The following RARB variants were observed in gnomAD, a reference collection of about 807,000 sequenced individuals.
RARB encodes HBV-activated protein.
RARB carries 17 observed loss-of-function variants against 51.9 expected under a neutral mutation model. The observed-to-expected ratio is 0.33, with a 90% CI of 0.22 to 0.49. The LOEUF is 0.49. RARB is among the 20% of genes least tolerant of loss of function. The pLI is 0.99. For synonymous variants in RARB, 215 were observed against 195.4 expected (o/e 1.10, Z -0.84); for missense variants, 369 against 550.8 (o/e 0.67, Z 3.30).
intron 5 of RARB, among the ~76,000 whole-genome samples, chr3:25,273,958 C>T (rs1490967447): frequency 2.0e-5 from 3 of 152,188 alleles, no homozygotes; most frequent in African/African-American, 7.2e-5. Flanking sequence ...CACCCCTGCA[C>T]TGTGCACCCT....
intron 2 of RARB, among the ~76,000 whole-genome samples, chr3:24,909,680 A>G (rs964054671): frequency 6.9e-6 from 1 of 144,624 alleles, no homozygotes; most frequent in Admixed American, 7.0e-5. Flanking sequence ...TGTCAGTTTT[A>G]TTTACTAGGG....
At chr3:25,252,878 G>T (rs2125402765) in intron 5 of RARB, among the ~76,000 whole-genome samples, 1 of 152,200 alleles carries the variant, frequency 6.6e-6, no homozygotes, top group East Asian at 1.9e-4. Flanking sequence ...TCTTTTATCT[G>T]GCACCGTGGC....
intron 5 of RARB, among the ~76,000 whole-genome samples, chr3:25,233,071 G>C (rs972543506): frequency 2.0e-5 from 3 of 149,348 alleles, no homozygotes; most frequent in African/African-American, 7.4e-5. Flanking sequence ...TGTCTTCTGG[G>C]TTCCAGAGAT....
chr3:25,501,111 A>G (rs1382543324), intron 2 of RARB, 71 bp from the exon 3 acceptor site: 70 of 1,499,364 alleles, frequency 4.7e-5, no homozygotes, highest in Middle Eastern at 1.8e-4. Context: ...ATGCATTGAT[A>G]AGGTTGGCTT....
chr3:25,259,019 C>T, intron 5 of RARB: 5 of 985,176 alleles, frequency 5.1e-6, no homozygotes, highest in Non-Finnish European at 6.0e-6. Flanking sequence ...GTGTCTGAGA[C>T]TGCTTCTGAT....
At chr3:25,492,222 G>A (rs757641539) in intron 2 of RARB, among the ~76,000 whole-genome samples, 5 of 152,186 alleles carry the variant, frequency 3.3e-5, no homozygotes, top group Non-Finnish European at 5.9e-5. Flanking sequence ...AGACCTATAT[G>A]ATACCTGGTC....
chr3:25,005,740 C>T lies in RARB; in HGVS notation c.-379-54385C>T, dbSNP rs184893460. 1.6e-4 allele frequency among the ~76,000 whole-genome samples: 25 copies of T among 152,194 alleles called. No homozygotes were observed. In the East Asian group the frequency reaches 3.7e-3, roughly 22 times the overall value. On this transcript the variant is annotated intron_variant, in intron 2 of 11. Coordinates refer to the RARB transcript ENST00000383772. ...AGCGGAAATCAATGAAAGCTATCTT[C>T]GAGGCTGGCTACTACGCTCCTCCTG... is the stretch of plus-strand genomic sequence containing the variant.
chr3:25,453,605 T>C (rs541522462), intron 1 of RARB, among the ~76,000 whole-genome samples: 1 of 152,282 alleles, frequency 6.6e-6, no homozygotes, highest in Non-Finnish European at 1.5e-5. Context: ...GACCACACTT[T>C]GCTGAGCAAG....
Position 25,596,896 on chromosome 3 carries a change from C to CAAAG in RARB, c.*282_*285dup, listed in dbSNP as rs1303764151. ...TCTTTGAACACTCAAGATTGCATGG[C>CAAAG]AAAGACCCAGTCAAAATGATTTACC... is the stretch of plus-strand genomic sequence containing the variant. On this transcript the variant is annotated 3_prime_UTR_variant, in exon 8 of 8. Transcript: ENST00000330688. 3 of 275,774 alleles carry CAAAG rather than the reference C, an allele frequency of 1.1e-5. No homozygotes were observed. The highest frequency in any genetic ancestry group is 4.8e-5 in the Admixed American group (1 of 21,038). The allele number at this position is 275,774 out of a possible 1,614,324, so 17.1% of individuals were successfully genotyped here. A position where few individuals can be genotyped will look rare whatever the true frequency, so the allele number is the denominator to read the frequency against.
intron 5 of RARB, among the ~76,000 whole-genome samples, chr3:25,387,797 T>C (rs1706839461): frequency 1.3e-5 from 2 of 151,574 alleles, no homozygotes. Flanking sequence ...GCAGCTTTTG[T>C]GTTTTATGTC....
chr3:25,282,192 C>A (rs1039212248), intron 5 of RARB, among the ~76,000 whole-genome samples: 1 of 152,182 alleles, frequency 6.6e-6, no homozygotes, highest in African/African-American at 2.4e-5. Flanking sequence ...CTGACTATAT[C>A]TTCTACCACC....
chr3:25,203,962 T>A (rs972586342), intron 5 of RARB, among the ~76,000 whole-genome samples: 1 of 152,172 alleles, frequency 6.6e-6, no homozygotes, highest in African/African-American at 2.4e-5. Flanking sequence ...TTTCCTGAAT[T>A]TGAATGTTGG....
intron 2 of RARB, among the ~76,000 whole-genome samples, chr3:24,863,793 C>T (rs1206593159): frequency 6.6e-6 from 1 of 151,792 alleles, no homozygotes; most frequent in Non-Finnish European, 1.5e-5. Context: ...TATTTGATAA[C>T]CTCCTACTTC....
chr3:24,941,552 T>G (rs758829431), intron 2 of RARB, among the ~76,000 whole-genome samples: 2 of 152,250 alleles, frequency 1.3e-5, no homozygotes, highest in Admixed American at 6.5e-5. Flanking sequence ...GCATTTTTAG[T>G]AGAGACGGGG....
At chr3:24,868,713 A>T (rs1471352290) in intron 2 of RARB, among the ~76,000 whole-genome samples, 1 of 152,172 alleles carries the variant, frequency 6.6e-6, no homozygotes, top group Non-Finnish European at 1.5e-5. Context: ...TGGCGACTTC[A>T]CTTGTGTGAT....
At chr3:24,893,554 C>A (rs1317919779) in intron 2 of RARB, among the ~76,000 whole-genome samples, 2 of 152,144 alleles carry the variant, frequency 1.3e-5, no homozygotes, top group Non-Finnish European at 2.9e-5. Context: ...CAGGGTCTTG[C>A]TTTGTTGTCT....
intron 1 of RARB, among the ~76,000 whole-genome samples, chr3:24,843,815 T>C (rs753868310): frequency 1.1e-4 from 17 of 151,934 alleles, no homozygotes; most frequent in Non-Finnish European, 2.5e-4. Flanking sequence ...GACCATGACA[T>C]TTCTCCTATG....
At chr3:25,235,632 C>G (rs1702284672) in intron 5 of RARB, among the ~76,000 whole-genome samples, 1 of 152,180 alleles carries the variant, frequency 6.6e-6, no homozygotes, top group African/African-American at 2.4e-5. Context: ...AGCAAGTCTG[C>G]TGTTTCATGT....
intron 1 of RARB, among the ~76,000 whole-genome samples, chr3:24,841,778 GA>G (rs1702424354): frequency 6.6e-6 from 1 of 152,166 alleles, no homozygotes; most frequent in Middle Eastern, 3.4e-3. Context: ...TATCTATGAA[GA>G]ATAATAGATG....
Sources: gnomAD v4.1 joint callset for allele counts (sites outside exome capture counted in the v4.1 genomes callset) on GRCh38, gnomAD v4.1.1 for gene constraint, MANE v1.5 for transcripts, NCBI Gene and HGNC (gene_info 2026-07-23, HGNC 2026-07-21) for gene names.